Variants in LCMT1 observed in about 807,000 individuals in gnomAD.
The protein encoded by LCMT1 is [Phosphatase 2A protein]-leucine-carboxy methyltransferase 1.
In LCMT1, 32 loss-of-function variants were observed where a neutral mutation model predicts 47.7. The ratio of observed to expected loss-of-function variants is 0.67; its 90% CI spans 0.51 to 0.90. LCMT1 has a LOEUF of 0.90. Among genes scored for constraint, LCMT1 ranks in the 40% least tolerant of loss-of-function variants. The pLI, the probability that LCMT1 is intolerant of heterozygous loss-of-function variation, is 0.00. For synonymous variants in LCMT1, 152 were observed against 149.7 expected (o/e 1.02, Z -0.11); for missense variants, 375 against 415.2 (o/e 0.90, Z 0.84).
At chr16:25,152,449 G>A (rs559422838) in intron 5 of LCMT1, among the ~76,000 whole-genome samples, 3 of 152,184 alleles carry the variant, frequency 2.0e-5, no homozygotes, top group African/African-American at 7.2e-5. Flanking sequence ...GACTTTTGCC[G>A]ATACATTTAA....
chr16:25,168,356 G>A (rs1357941378), intron 7 of LCMT1, among the ~76,000 whole-genome samples: 2 of 152,156 alleles, frequency 1.3e-5, no homozygotes, highest in South Asian at 2.1e-4. Flanking sequence ...CCTAAAGTGA[G>A]TTTTTGAAAA....
intron 1 of LCMT1, among the ~76,000 whole-genome samples, chr16:25,127,610 TAGC>T (rs1960226839): frequency 6.6e-6 from 1 of 152,180 alleles, no homozygotes; most frequent in Non-Finnish European, 1.5e-5. Context: ...TCACCTTACT[TAGC>T]AGGCAACAAG....
rs778747522 is a variant in LCMT1 at position 25,178,136 on chromosome 16, C to CGCCACCATGCCGAGCTAATTT, written c.*113_*114insGCCACCATGCCGAGCTAATTT. The CGCCACCATGCCGAGCTAATTT allele has an allele frequency of 1.1e-6, 1 of 879,574 alleles. No individual in the cohort carries two copies. Among genetic ancestry groups the CGCCACCATGCCGAGCTAATTT allele is most frequent in the Non-Finnish European group, 1.9e-6 (1 of 538,682 alleles). The allele number at this position is 879,574 out of a possible 1,614,324, so 54.5% of individuals were successfully genotyped here. On this transcript the variant is annotated 3_prime_UTR_variant, in exon 11 of 11. Coordinates refer to ENST00000399069, the MANE Select transcript of LCMT1 (RefSeq NM_016309.3). Reference sequence around the variant, plus strand: ...TCGTCCGCAGGTCTCATCCCACACTCTTGAGAAGCCTTGGTCACTACAGTG... The same window carrying CGCCACCATGCCGAGCTAATTT: ...TCGTCCGCAGGTCTCATCCCACACTCGCCACCATGCCGAGCTAATTTTTGAGAAGCCTTGGTCACTACAGTG...
At chr16:25,125,725 G>A (rs949672590) in intron 1 of LCMT1, among the ~76,000 whole-genome samples, 4 of 151,786 alleles carry the variant, frequency 2.6e-5, no homozygotes, top group African/African-American at 7.2e-5. Flanking sequence ...CCAGCTACTC[G>A]GGAGGCTGAG....
rs558379076 is a variant in LCMT1, at chr16:25,167,718, A to G, written c.691-1394A>G. Reference sequence around the variant, plus strand: ...AATTCTTAGATTTTGCTTACTATATAGCAGGGACTATTCTATGAATTTTAC... The same window carrying G: ...AATTCTTAGATTTTGCTTACTATATGGCAGGGACTATTCTATGAATTTTAC... On this transcript the variant is annotated intron_variant, in intron 7 of 10. Transcript: ENST00000399069. Among the ~76,000 whole-genome samples the G allele has an allele frequency of 2.0e-5, 3 of 152,236 alleles. No individual in the cohort carries two copies. The South Asian group carries it at 6.2e-4, about 32-fold the overall frequency.
intron 5 of LCMT1, among the ~76,000 whole-genome samples, chr16:25,159,696 G>A (rs1192343478): frequency 2.6e-5 from 4 of 152,100 alleles, no homozygotes; most frequent in Non-Finnish European, 5.9e-5. Context: ...AGCTTATGGT[G>A]TGTAGCCATA....
intron 1 of LCMT1, among the ~76,000 whole-genome samples, chr16:25,112,851 G>A: frequency 6.6e-6 from 1 of 152,048 alleles, no homozygotes; most frequent in East Asian, 1.9e-4. Context: ...TGATGTTTAA[G>A]GTGAGAAGAG....
intron 4 of LCMT1, among the ~76,000 whole-genome samples, chr16:25,150,321 C>G (rs1360432705): frequency 7.2e-6 from 1 of 138,748 alleles, no homozygotes; most frequent in Non-Finnish European, 1.5e-5. Context: ...AAGGCATCTT[C>G]ATAGTTTTCT....
Position 25,160,761 on chromosome 16 carries a change from G to A in LCMT1, c.467-341G>A, listed in dbSNP as rs576510082. 1.3e-4 allele frequency: 67 copies of A among 532,566 alleles called. 1 individual carries two copies. Among genetic ancestry groups the A allele is most frequent in the South Asian group, 6.2e-4 (44 of 71,220 alleles). The allele number at this position is 532,566 out of a possible 1,614,324, so 33.0% of individuals were successfully genotyped here. A position where few individuals can be genotyped will look rare whatever the true frequency, so the allele number is the denominator to read the frequency against. On this transcript the variant is annotated intron_variant, in intron 5 of 10. Transcript: ENST00000399069. ...AGGATGTCCCTGATGCTGTTGTTACGTAGGAAAAGCAGTTTTCAAACCACA... is the reference window on the plus strand; with the variant it reads ...AGGATGTCCCTGATGCTGTTGTTACATAGGAAAAGCAGTTTTCAAACCACA...
chr16:25,144,241 A>G (rs1449711787), intron 4 of LCMT1: 1 of 152,238 alleles, frequency 6.6e-6, no homozygotes, highest in Admixed American at 6.5e-5. Flanking sequence ...GGAGAAACCT[A>G]TACTTTGAGT....
chr16:25,141,052 CACTG>C (rs1363850738), intron 4 of LCMT1: 1 of 152,190 alleles, frequency 6.6e-6, no homozygotes, highest in Non-Finnish European at 1.5e-5. Context: ...GGAAATCTCT[CACTG>C]GCTGTCCTAA....
intron 4 of LCMT1, chr16:25,146,945 C>G (rs560562966): frequency 1.3e-5 from 2 of 152,312 alleles, no homozygotes; most frequent in East Asian, 1.9e-4. Context: ...AGGTTTTCTC[C>G]ATAGTCTCAC....
At chr16:25,140,355 C>A in intron 4 of LCMT1, 108 bp downstream of exon 4, 1 of 829,922 alleles carries the variant, frequency 1.2e-6, no homozygotes, top group Non-Finnish European at 1.9e-6. Context: ...TGTTGCCTTC[C>A]GTTCACTGCC....
chr16:25,176,900 T>C (rs1961962013), intron 10 of LCMT1, among the ~76,000 whole-genome samples: 1 of 151,278 alleles, frequency 6.6e-6, no homozygotes, highest in African/African-American at 2.4e-5. Flanking sequence ...TTATTGTGAA[T>C]TGAGCGCAGT....
chr16:25,114,842 C>A lies in LCMT1; in HGVS notation c.113+2846C>A, dbSNP rs570409409. On this transcript the variant is annotated intron_variant, in intron 1 of 10. Coordinates refer to ENST00000399069, the MANE Select transcript of LCMT1 (RefSeq NM_016309.3). ...CCTGTGTGTCTCCCGCGTCTCATTC[C>A]ATGGAGAGCCTTCCTGCCCAACTGG... 2.6e-5 allele frequency among the ~76,000 whole-genome samples: 4 copies of A among 152,274 alleles called. No homozygotes were observed. The South Asian group carries it at 8.3e-4, about 32-fold the overall frequency.
chr16:25,139,969 T>C (rs528347583), intron 3 of LCMT1: 7 of 551,348 alleles, frequency 1.3e-5, no homozygotes, highest in Non-Finnish European at 2.3e-5. Context: ...CTCCTCTGGC[T>C]TCCTGACTTT....
At chr16:25,170,577 C>A in intron 8 of LCMT1, 137 bp from the exon 9 acceptor site, 1 of 652,518 alleles carries the variant, frequency 1.5e-6, no homozygotes, top group Non-Finnish European at 2.7e-6. Context: ...CTGCAGTGAG[C>A]TGTGATCACA....
chr16:25,132,527 T>C lies in LCMT1; in HGVS notation c.327+4T>C, dbSNP rs761512967. 2 of 1,613,212 alleles carry C rather than the reference T, an allele frequency of 1.2e-6. No individual in the cohort carries two copies. The highest frequency in any genetic ancestry group is 4.5e-5 in the East Asian group (2 of 44,868). Reference sequence around the variant, plus strand: ...TACCACCTTCTGGAGATTAAAGGTATGTTCAAATTCCCCTCCTCCCTCCCC... The same window carrying C: ...TACCACCTTCTGGAGATTAAAGGTACGTTCAAATTCCCCTCCTCCCTCCCC... On this transcript the variant is annotated splice_donor_region_variant and intron_variant, in intron 3 of 10. Coordinates refer to ENST00000399069, the MANE Select transcript of LCMT1 (RefSeq NM_016309.3).
At chr16:25,137,868 C>T (rs1960548784) in intron 3 of LCMT1, among the ~76,000 whole-genome samples, 2 of 152,224 alleles carry the variant, frequency 1.3e-5, no homozygotes, top group African/African-American at 4.8e-5. Context: ...GGGTCATTCA[C>T]CTACTAGGAT....
Sources: gnomAD v4.1 joint callset for allele counts (sites outside exome capture counted in the v4.1 genomes callset) on GRCh38, gnomAD v4.1.1 for gene constraint, MANE v1.5 for transcripts, NCBI Gene and HGNC (gene_info 2026-07-23, HGNC 2026-07-21) for gene names.